Variants in CMYA5 observed in about 807,000 individuals in gnomAD.
CMYA5 encodes the protein cardiomyopathy associated 5.
In CMYA5, 246 loss-of-function variants were observed where a neutral mutation model predicts 318.9. That is an observed-to-expected ratio of 0.77 (90% CI 0.70 to 0.86). The LOEUF is 0.86. Ranked by LOEUF, CMYA5 falls within the 40% of genes least tolerant of loss-of-function variation. The pLI is 0.00. For missense variants in CMYA5, 4,589 were observed against 4,678.2 expected (o/e 0.98, Z 0.56); for synonymous variants, 1,641 against 1,729.5 (o/e 0.95, Z 1.27).
chr5:79,727,760 T>G (rs1827777143), intron 1 of CMYA5, among the ~76,000 whole-genome samples: 1 of 151,942 alleles, frequency 6.6e-6, no homozygotes, highest in Non-Finnish European at 1.5e-5. Flanking sequence ...TAAGTACAAG[T>G]GAGGAAGAGG....
Position 79,730,747 on chromosome 5 carries a change from C to A in CMYA5, c.1982C>A (p.Thr661Asn). The change falls in exon 2 of 13, where the codon ACT (threonine) becomes AAT (asparagine). Residue 661 changes from threonine (T) to asparagine (N), a missense_variant. This residue lies in a region of CMYA5 where 2,132 missense variants were observed against 2,131.3 expected (regional missense o/e 1.00). Coordinates refer to ENST00000446378, the MANE Select transcript of CMYA5 (RefSeq NM_153610.5). ...SSLSPSTTEK[T>N]SENQSPLFST... ...CTCTCACCATCCACAACTGAGAAGA[C>A]TTCAGAGAACCAGTCTCCACTGTTT... 1 of 1,613,906 alleles carries A rather than the reference C, an allele frequency of 6.2e-7. No individual in the cohort carries two copies. The highest frequency in any genetic ancestry group is 2.2e-5 in the East Asian group (1 of 44,866).
rs1045111946 is a variant in CMYA5, at chr5:79,728,962, T to C, written c.197T>C (p.Ile66Thr). ...GGAAAGATCAAGCAGGAGTATATCA[T>C]ATCTGACCCCTCCTTTTCCATGGTG... ...EEGKIKQEYIISDPSFSMVTV... is the reference protein window; with the variant it reads ...EEGKIKQEYITSDPSFSMVTV... The change falls in exon 2 of 13, where the codon ATA becomes ACA. Residue 66 changes from isoleucine (I) to threonine (T), a missense_variant. Ile to Thr is a moderately conservative substitution (Grantham distance 89, BLOSUM62 -1). Transcript: ENST00000446378. The C allele has an allele frequency of 4.3e-6, 7 of 1,613,010 alleles. No individual in the cohort carries two copies. The Admixed American group carries it at 1.0e-4, about 23-fold the overall frequency.
In CMYA5 at chr5:79,738,349, A is replaced by G. The variant is rs751518706; in HGVS notation, c.9584A>G (p.Asp3195Gly). 4 of 1,613,814 alleles carry G rather than the reference A, an allele frequency of 2.5e-6. No homozygotes were observed. In the South Asian group the frequency reaches 3.3e-5, roughly 13 times the overall value. ...CCTGCACTTGCATTTTTATATAAGG[A>G]TCTGTATGAAGAAGCAGTTGGAGAG... The part of the protein sequence containing the change: ...EPPALAFLYK[D>G]LYEEAVGEKK... Residue 3195 changes from aspartate (D) to glycine (G), a missense_variant, in exon 2 of 13, where the codon GAT (aspartate) becomes GGT (glycine). Around this residue, in one of 3 missense-constraint regions of CMYA5, gnomAD observed 2,431 missense variants for 2,495.1 expected, o/e 0.97. Coordinates refer to ENST00000446378, the MANE Select transcript of CMYA5 (RefSeq NM_153610.5).
In CMYA5 at chr5:79,729,794, C is replaced by A. The variant is rs749994095; in HGVS notation, c.1029C>A (p.Pro343=). Residue 343 remains proline (P), a synonymous_variant, in exon 2 of 13, where the codon CCC becomes CCA. Coordinates refer to ENST00000446378, the MANE Select transcript of CMYA5 (RefSeq NM_153610.5). ...CATCTGCATTGGAGCACACAGTTCC[C>A]TCTTATTCAAGTAGTGGCAGAGCAG... The part of the protein sequence containing the change: ...NATSALEHTV[P]SYSSSGRAEQ... 3 of 1,613,834 alleles carry A rather than the reference C, an allele frequency of 1.9e-6. No individual in the cohort carries two copies. In the South Asian group the frequency reaches 3.3e-5, roughly 18 times the overall value.
chr5:79,765,992 C>T (rs1202185093), intron 9 of CMYA5, among the ~76,000 whole-genome samples: 1 of 152,170 alleles, frequency 6.6e-6, no homozygotes, highest in African/African-American at 2.4e-5. Flanking sequence ...CTTTCTCTTG[C>T]CTGATTGCCC....
chr5:79,747,059 C>T (rs1395566304), intron 4 of CMYA5, 32 bp from the exon 5 acceptor site: 17 of 1,257,194 alleles, frequency 1.4e-5, no homozygotes, highest in Middle Eastern at 1.8e-4. Flanking sequence ...TTTCTCTCTT[C>T]TCCTCCTCCT....
In CMYA5 at chr5:79,729,011, G is replaced by T; in HGVS notation, c.246G>T (p.Gly82=). 1 of 1,613,948 alleles carries T rather than the reference G, an allele frequency of 6.2e-7. No individual in the cohort carries two copies. The highest frequency in any genetic ancestry group is 8.5e-7 in the Non-Finnish European group (1 of 1,179,872). Residue 82 remains glycine, a synonymous_variant, in exon 2 of 13, where the codon GGG becomes GGT. Coordinates refer to ENST00000446378, the MANE Select transcript of CMYA5 (RefSeq NM_153610.5). Reference sequence around the variant, plus strand: ...TGACAGTCCAAAGGGAAGATAGTGGGATAACCTGGGAAACCAATTCAAGTA... The same window carrying T: ...TGACAGTCCAAAGGGAAGATAGTGGTATAACCTGGGAAACCAATTCAAGTA... The part of the protein sequence containing the change: ...SMVTVQREDS[G]ITWETNSSRS...
intron 7 of CMYA5, among the ~76,000 whole-genome samples, chr5:79,760,008 G>A (rs1278906860): frequency 1.3e-5 from 2 of 152,134 alleles, no homozygotes; most frequent in East Asian, 3.9e-4. Context: ...TCAAGGCCTT[G>A]CAACTTGTAC....
intron 2 of CMYA5, among the ~76,000 whole-genome samples, chr5:79,742,473 C>T (rs1417520627): frequency 6.6e-6 from 1 of 152,112 alleles, no homozygotes; most frequent in African/African-American, 2.4e-5. Context: ...AGGCAGTAGC[C>T]ACTGCAGCTG....
chr5:79,790,508 A>G (rs1322394856), intron 10 of CMYA5, among the ~76,000 whole-genome samples: 1 of 152,084 alleles, frequency 6.6e-6, no homozygotes, highest in Non-Finnish European at 1.5e-5. Flanking sequence ...TGACCTTGTG[A>G]TCTGCCCACC....
chr5:79,721,411 T>C (rs1364818450), intron 1 of CMYA5, among the ~76,000 whole-genome samples: 1 of 152,120 alleles, frequency 6.6e-6, no homozygotes, highest in Admixed American at 6.5e-5. Flanking sequence ...AATAATAAGA[T>C]GGCAAATTTA....
At chr5:79,777,535 G>A (rs941411077) in intron 9 of CMYA5, among the ~76,000 whole-genome samples, 2 of 152,152 alleles carry the variant, frequency 1.3e-5, no homozygotes, top group Admixed American at 1.3e-4. Flanking sequence ...ACTTTGGGAG[G>A]CCGAGGTGAG....
chr5:79,762,213 A>G (rs1828666262), intron 8 of CMYA5: 1 of 368,760 alleles, frequency 2.7e-6, no homozygotes, highest in African/African-American at 2.0e-5. Context: ...TTATTATGAG[A>G]ACACTCCAGA....
intron 2 of CMYA5, among the ~76,000 whole-genome samples, chr5:79,740,097 T>C (rs1292590141): frequency 6.6e-6 from 1 of 152,226 alleles, no homozygotes; most frequent in Admixed American, 6.5e-5. Context: ...GCATTATAAG[T>C]AATCTAGAGA....
intron 1 of CMYA5, among the ~76,000 whole-genome samples, chr5:79,713,706 G>T (rs1827457689): frequency 6.6e-6 from 1 of 150,402 alleles, no homozygotes; most frequent in Admixed American, 6.6e-5. Context: ...GGAGAGAAAT[G>T]ATTTTTGTAA....
intron 8 of CMYA5, 148 bp from the exon 9 acceptor site, chr5:79,762,914 T>A (rs1474409061): frequency 2.5e-6 from 2 of 803,416 alleles, no homozygotes; most frequent in Non-Finnish European, 3.8e-6. Context: ...CTATATTTGA[T>A]CCCTTTTGGG....
intron 9 of CMYA5, among the ~76,000 whole-genome samples, chr5:79,764,151 AC>A (rs1186668052): frequency 6.8e-6 from 1 of 146,814 alleles, no homozygotes; most frequent in Admixed American, 6.8e-5. Context: ...TCCCTCCCCT[AC>A]CCCCCTGCCC....
rs774785335 is a variant in CMYA5, at chr5:79,735,335, C to T, written c.6570C>T (p.Ser2190=). The part of the protein sequence containing the change: ...SWMSSLFFGS[S]TPDNKVAEQE... ...TGTCCAGCTTGTTTTTTGGATCGAG[C>T]ACTCCAGATAACAAAGTTGCTGAAC... The change falls in exon 2 of 13, where the codon AGC becomes AGT. Residue 2190 remains serine, a synonymous_variant. Coordinates refer to ENST00000446378, the MANE Select transcript of CMYA5 (RefSeq NM_153610.5). 3 of 1,613,748 alleles carry T rather than the reference C, an allele frequency of 1.9e-6. No homozygotes were observed. The highest frequency in any genetic ancestry group is 2.5e-6 in the Non-Finnish European group (3 of 1,179,814).
In CMYA5 at chr5:79,736,290, A is replaced by G; in HGVS notation, c.7525A>G (p.Lys2509Glu). ...TAGATCTACTGAACTGAAAGAATCA[A>G]AAGCCGATGCTATGCCACAGCACTT... ...GSRSTELKES[K>E]ADAMPQHFYQ... Residue 2509 changes from lysine (K) to glutamate (E), a missense_variant, in exon 2 of 13, where the codon AAA (lysine) becomes GAA (glutamate). This residue lies in a region of CMYA5 where 2,431 missense variants were observed against 2,495.1 expected (regional missense o/e 0.97). Transcript: ENST00000446378. 2 of 1,613,190 alleles carry G rather than the reference A, an allele frequency of 1.2e-6. No homozygotes were observed. Among genetic ancestry groups the G allele is most frequent in the Non-Finnish European group, 1.7e-6 (2 of 1,179,680 alleles).
Sources: allele counts gnomAD v4.1 joint callset (sites outside exome capture counted in the v4.1 genomes callset), GRCh38; gene constraint gnomAD v4.1.1; regional missense constraint gnomAD v4.1.1; transcripts MANE v1.5; gene names NCBI Gene and HGNC (gene_info 2026-07-23, HGNC 2026-07-21).